Variants in AP4S1 observed in about 807,000 individuals in gnomAD.
The protein encoded by AP4S1 is adaptor related protein complex 4 subunit sigma 1, also known as AP-4 complex subunit sigma-1.
AP4S1 carries 23 observed loss-of-function variants against 19.8 expected under a neutral mutation model. The observed-to-expected ratio is 1.16, with a 90% confidence interval of 0.84 to 1.65. The LOEUF (loss-of-function observed/expected upper bound fraction) is 1.65, where lower values mean the gene tolerates loss of function less well. Among genes scored for constraint, AP4S1 ranks in the 40% most tolerant of loss-of-function variants. AP4S1 has a pLI of 0.00. For missense variants in AP4S1, 166 were observed against 172.8 expected (o/e 0.96, Z 0.22); for synonymous variants, 46 against 54.1 (o/e 0.85, Z 0.66).
rs577435488 is a variant in AP4S1, at chr14:31,085,270, T to G, written c.306+4686T>G. 4.9e-6 allele frequency: 5 copies of G among 1,014,798 alleles called. No homozygotes were observed. The African/African-American group carries it at 8.6e-5, about 17-fold the overall frequency. The allele number at this position is 1,014,798 out of a possible 1,614,324, so 62.9% of individuals were successfully genotyped here. On this transcript the variant is annotated intron_variant, in intron 5 of 5. Coordinates refer to ENST00000542754, the MANE Select transcript of AP4S1 (RefSeq NM_001128126.3). Reference sequence around the variant, plus strand: ...TATCCCAGAACCTGCCACCATGGCCTCTGCAAGCCTCTCCTCCACCTTCAC... The same window carrying G: ...TATCCCAGAACCTGCCACCATGGCCGCTGCAAGCCTCTCCTCCACCTTCAC...
chr14:31,025,867 C>T (rs1448008746), intron 1 of AP4S1, 80 bp downstream of exon 1: 10 of 1,579,054 alleles, frequency 6.3e-6, no homozygotes, highest in Non-Finnish European at 6.9e-6. Flanking sequence ...GGGAACCCAG[C>T]CGCCGCAGCT....
intron 1 of AP4S1, among the ~76,000 whole-genome samples, chr14:31,041,099 A>T (rs746555518): frequency 6.6e-6 from 1 of 151,816 alleles, no homozygotes; most frequent in Non-Finnish European, 1.5e-5. Flanking sequence ...AAGTACGCAA[A>T]TTAAATGTAT....
intron 1 of AP4S1, among the ~76,000 whole-genome samples, chr14:31,064,781 C>T (rs191825108): frequency 6.6e-6 from 1 of 152,212 alleles, no homozygotes; most frequent in Admixed American, 6.5e-5. Flanking sequence ...ATAGTGAAAC[C>T]TCATCTCTAC....
chr14:31,026,044 C>T, intron 1 of AP4S1: 1 of 1,533,436 alleles, frequency 6.5e-7, no homozygotes, highest in Non-Finnish European at 8.8e-7. Context: ...GGACCCGCTC[C>T]CTCGGAGGCC....
At chr14:31,025,574 C>T, upstream of AP4S1, 1 of 409,570 alleles carries the variant, frequency 2.4e-6, no homozygotes, top group Non-Finnish European at 4.5e-6. Flanking sequence ...CCGGACTCTC[C>T]CACAGAGAGG....
At chr14:31,071,861 G>T (rs959361627) in intron 3 of AP4S1, among the ~76,000 whole-genome samples, 1 of 151,578 alleles carries the variant, frequency 6.6e-6, no homozygotes, top group African/African-American at 2.4e-5. Context: ...GACTACAGGC[G>T]CACACCAAGA....
chr14:31,054,001 A>G (rs1231419578), intron 1 of AP4S1, among the ~76,000 whole-genome samples: 1 of 152,158 alleles, frequency 6.6e-6, no homozygotes, highest in African/African-American at 2.4e-5. Context: ...ATATGAGGGT[A>G]TTTTATATGT....
At chr14:31,061,500 G>A (rs1393617617) in intron 1 of AP4S1, among the ~76,000 whole-genome samples, 3 of 152,140 alleles carry the variant, frequency 2.0e-5, no homozygotes, top group Non-Finnish European at 4.4e-5. Flanking sequence ...TGCTAAGATC[G>A]CTAGCTGCAA....
In AP4S1 at chr14:31,078,221, G is replaced by A. The variant is rs567679740; in HGVS notation, c.295-2352G>A. On this transcript the variant is annotated intron_variant, in intron 4 of 5. Transcript: ENST00000542754. ...GACTGGCTTTAAAATCTATCTCTGT[G>A]TTGATTGCTTGGCAAGAGCACCATA... Among the ~76,000 whole-genome samples the A allele has an allele frequency of 5.9e-5, 9 of 152,284 alleles. No individual in the cohort carries two copies. The South Asian group carries it at 1.9e-3, about 32-fold the overall frequency.
At chr14:31,038,220 A>G (rs1334198503) in intron 1 of AP4S1, among the ~76,000 whole-genome samples, 1 of 152,194 alleles carries the variant, frequency 6.6e-6, no homozygotes, top group Non-Finnish European at 1.5e-5. Flanking sequence ...ACTTTCTAAA[A>G]GAGAAAATCA....
At chr14:31,045,979 T>C (rs1181673331) in intron 1 of AP4S1, among the ~76,000 whole-genome samples, 1 of 151,466 alleles carries the variant, frequency 6.6e-6, no homozygotes, top group Non-Finnish European at 1.5e-5. Flanking sequence ...TTTTTTTTTT[T>C]TTTTGAGACG....
At chr14:31,054,249 G>T (rs1367240965) in intron 1 of AP4S1, among the ~76,000 whole-genome samples, 4 of 152,134 alleles carry the variant, frequency 2.6e-5, no homozygotes, top group African/African-American at 9.7e-5. Flanking sequence ...TTAAAAATCA[G>T]TTGGTCATAT....
At chr14:31,086,253 A>G (rs924243618) in intron 5 of AP4S1, 1 of 152,246 alleles carries the variant, frequency 6.6e-6, no homozygotes, top group African/African-American at 2.4e-5. Context: ...CAAATTCTTC[A>G]GGGAAGCATC....
intron 1 of AP4S1, among the ~76,000 whole-genome samples, chr14:31,033,430 C>T (rs3784158): frequency 0.11 from 16,396 of 151,854 alleles, 1,022 homozygotes; most frequent in South Asian, 0.25. Context: ...GCCAGGCTGG[C>T]CTTGAACTCC....
chr14:31,051,546 G>T (rs1241753953), intron 1 of AP4S1, among the ~76,000 whole-genome samples: 1 of 152,140 alleles, frequency 6.6e-6, no homozygotes, highest in Non-Finnish European at 1.5e-5. Flanking sequence ...TATCTATTTA[G>T]ATGTTCACTT....
chr14:31,071,702 G>A (rs928672667), intron 3 of AP4S1, among the ~76,000 whole-genome samples: 2 of 151,892 alleles, frequency 1.3e-5, no homozygotes, highest in Non-Finnish European at 2.9e-5. Flanking sequence ...ACAGGCGTGA[G>A]CCACCGCACC....
At chr14:31,065,857 T>A (rs1452251036) in intron 1 of AP4S1, among the ~76,000 whole-genome samples, 3 of 152,090 alleles carry the variant, frequency 2.0e-5, no homozygotes, top group African/African-American at 7.2e-5. Context: ...AGACAGGGTT[T>A]CACCATGTTA....
intron 1 of AP4S1, among the ~76,000 whole-genome samples, chr14:31,050,166 C>T (rs937926312): frequency 6.6e-6 from 1 of 152,220 alleles, no homozygotes; most frequent in Non-Finnish European, 1.5e-5. Flanking sequence ...AGGTGATCCA[C>T]CTGCCTTGGC....
intron 5 of AP4S1, among the ~76,000 whole-genome samples, chr14:31,087,008 GA>G (rs368027465): frequency 1.2e-4 from 17 of 147,034 alleles, no homozygotes; most frequent in East Asian, 4.0e-4. Context: ...AAATATCAAG[GA>G]AAAAAAAAAT....
Sources: allele counts gnomAD v4.1 joint callset (sites outside exome capture counted in the v4.1 genomes callset), GRCh38; gene constraint gnomAD v4.1.1; transcripts MANE v1.5; gene names NCBI Gene and HGNC (gene_info 2026-07-23, HGNC 2026-07-21).